The following PIK3C2G variants were observed in gnomAD, a reference collection of about 807,000 sequenced individuals.
The protein encoded by PIK3C2G is phosphatidylinositol-4-phosphate 3-kinase catalytic subunit type 2 gamma.
A neutral mutation model predicts 181.1 loss-of-function variants in PIK3C2G; 168 were observed. The ratio of observed to expected loss-of-function variants is 0.93; its 90% CI spans 0.82 to 1.05. PIK3C2G has a LOEUF of 1.05. Ranked by LOEUF, PIK3C2G falls within the 50% of genes least tolerant of loss-of-function variation. PIK3C2G has a pLI of 0.00. For missense variants in PIK3C2G, 1,869 were observed against 1,732.8 expected (o/e 1.08, Z -1.40); for synonymous variants, 573 against 592.2 (o/e 0.97, Z 0.47).
chr12:18,481,765 G>A (rs558594047), intron 18 of PIK3C2G, among the ~76,000 whole-genome samples: 4 of 152,098 alleles, frequency 2.6e-5, no homozygotes, highest in East Asian at 3.9e-4. Flanking sequence ...CAAAGAGAAT[G>A]ATTTCAGCCT....
chr12:18,536,821 T>G, intron 24 of PIK3C2G, among the ~76,000 whole-genome samples: 1 of 152,088 alleles, frequency 6.6e-6, no homozygotes, highest in East Asian at 1.9e-4. Context: ...AAAAGGATTT[T>G]GAACCAAAAT....
Position 18,496,865 on chromosome 12 carries a change from T to C in PIK3C2G, c.2886+711T>C, listed in dbSNP as rs1325705218. ...TTGCTTTGTCATGTCACCTCAAGAGTTAGTGGTCCCACAATGCTGTACTTT... is the reference window on the plus strand; with the variant it reads ...TTGCTTTGTCATGTCACCTCAAGAGCTAGTGGTCCCACAATGCTGTACTTT... On this transcript the variant is annotated intron_variant, in intron 21 of 32. Transcript: ENST00000538779. Among the ~76,000 whole-genome samples, 3 of 152,054 alleles carry C rather than the reference T, an allele frequency of 2.0e-5. No individual in the cohort carries two copies. In the East Asian group the frequency reaches 5.8e-4, roughly 29 times the overall value.
intron 20 of PIK3C2G, chr12:18,493,105 T>C (rs1386420363): frequency 1.3e-5 from 2 of 152,168 alleles, no homozygotes; most frequent in Non-Finnish European, 2.9e-5. Flanking sequence ...TTGAAATGAG[T>C]ATGGAAAAGC....
intron 22 of PIK3C2G, among the ~76,000 whole-genome samples, chr12:18,498,972 TG>T (rs1565451733): frequency 6.6e-6 from 1 of 152,218 alleles, no homozygotes; most frequent in African/African-American, 2.4e-5. Flanking sequence ...AATAGAATAA[TG>T]CTACATAATC....
intron 8 of PIK3C2G, among the ~76,000 whole-genome samples, chr12:18,333,814 T>G (rs995287454): frequency 1.3e-5 from 2 of 152,246 alleles, no homozygotes; most frequent in South Asian, 2.1e-4. Flanking sequence ...TCATGAAAGT[T>G]TATATAAAAT....
chr12:18,383,077 G>A lies in PIK3C2G; in HGVS notation c.1995+1197G>A, dbSNP rs537138641. 2.0e-5 allele frequency among the ~76,000 whole-genome samples: 3 copies of A among 152,222 alleles called. No homozygotes were observed. The East Asian group carries it at 5.8e-4, about 29-fold the overall frequency. On this transcript the variant is annotated intron_variant, in intron 14 of 32. Transcript: ENST00000538779. Reference sequence around the variant, plus strand: ...CACGATATCTTATCAATTAGCACTTGTTCTGTTTTAAAAGAACAAAAAGAT... The same window carrying A: ...CACGATATCTTATCAATTAGCACTTATTCTGTTTTAAAAGAACAAAAAGAT...
At chr12:18,382,634 T>C (rs1230488489) in intron 14 of PIK3C2G, among the ~76,000 whole-genome samples, 1 of 152,184 alleles carries the variant, frequency 6.6e-6, no homozygotes, top group Admixed American at 6.5e-5. Flanking sequence ...TGCTTTGTGG[T>C]GGGGGCTGCT....
chr12:18,361,777 G>A (rs1012259533), intron 11 of PIK3C2G, among the ~76,000 whole-genome samples: 8 of 152,150 alleles, frequency 5.3e-5, no homozygotes, highest in Non-Finnish European at 1.0e-4. Flanking sequence ...TGGACCTAAA[G>A]TATGCTGCCT....
At chr12:18,696,974 T>G in the PIK3C2G span, among the ~76,000 whole-genome samples, 31 of 152,192 alleles carry the variant, frequency 2.0e-4, no homozygotes, top group African/African-American at 7.2e-4. Context: ...TTTTAGTTTC[T>G]GTACATATTC....
intron 5 of PIK3C2G, among the ~76,000 whole-genome samples, chr12:18,299,258 C>T (rs1340176098): frequency 6.6e-6 from 1 of 151,866 alleles, no homozygotes; most frequent in Non-Finnish European, 1.5e-5. Context: ...TCTTTTACCC[C>T]TTTGGTTAAG....
chr12:18,574,098 G>A (rs1474350897), intron 29 of PIK3C2G, among the ~76,000 whole-genome samples: 6 of 152,114 alleles, frequency 3.9e-5, no homozygotes, highest in African/African-American at 1.4e-4. Flanking sequence ...TCATCATCCT[G>A]TATGAAGGAC....
At chr12:18,450,204 G>A (rs765610148) in intron 18 of PIK3C2G, among the ~76,000 whole-genome samples, 6 of 152,140 alleles carry the variant, frequency 3.9e-5, no homozygotes, top group Non-Finnish European at 7.3e-5. Flanking sequence ...TCAGCTCACC[G>A]CAACCTCCAC....
chr12:18,678,101 C>A, the PIK3C2G span, among the ~76,000 whole-genome samples: 8 of 152,054 alleles, frequency 5.3e-5, no homozygotes, highest in Non-Finnish European at 1.0e-4. Context: ...TTCTAGCAAG[C>A]CCAGCTGTCC....
At position 18,488,256 on chromosome 12, in the gene PIK3C2G, T is replaced by C. The variant is rs754067780; in HGVS notation, c.2505-193T>C. ...AGATCTCTTATTGATTCTTCACTCT[T>C]GGAATCTCATTAACTATCAGATGGA... On this transcript the variant is annotated intron_variant, in intron 18 of 32. Coordinates refer to ENST00000538779, the MANE Select transcript of PIK3C2G (RefSeq NM_001288772.2). Among the ~76,000 whole-genome samples the C allele has an allele frequency of 3.9e-5, 6 of 152,110 alleles. No homozygotes were observed. The South Asian group carries it at 6.2e-4, about 16-fold the overall frequency.
chr12:18,632,474 CAGAT>C (rs1422836463), intron 31 of PIK3C2G, among the ~76,000 whole-genome samples: 3 of 152,052 alleles, frequency 2.0e-5, no homozygotes, highest in Non-Finnish European at 4.4e-5. Context: ...GATATGGACA[CAGAT>C]AGAGATATAG....
intron 24 of PIK3C2G, among the ~76,000 whole-genome samples, chr12:18,532,150 A>ATGTGTT (rs149325621): frequency 2.6e-5 from 4 of 151,698 alleles, no homozygotes; most frequent in African/African-American, 9.7e-5. Flanking sequence ...ACATCTTTTT[A>ATGTGTT]TATGTTTATT....
intron 24 of PIK3C2G, among the ~76,000 whole-genome samples, chr12:18,507,773 A>T (rs970290618): frequency 1.3e-5 from 2 of 152,198 alleles, no homozygotes; most frequent in Admixed American, 6.5e-5. Context: ...TTAAAATGAA[A>T]AAAGATATTT....
Position 18,437,495 on chromosome 12 carries a change from T to A in PIK3C2G, c.2504+13456T>A, listed in dbSNP as rs144745003. Among the ~76,000 whole-genome samples the A allele has an allele frequency of 2.7e-3, 411 of 152,114 alleles. 2 individuals are homozygous for A. The highest frequency in any genetic ancestry group is 4.7e-3 in the Non-Finnish European group (319 of 67,862). ...AATAGTGACTCTTTAGACTTGACAG[T>A]CTACCTGATACACTAACCACTCTTG... On this transcript the variant is annotated intron_variant, in intron 18 of 32. Transcript: ENST00000538779.
chr12:18,622,740 C>G (rs569877614), intron 31 of PIK3C2G, among the ~76,000 whole-genome samples: 3 of 151,882 alleles, frequency 2.0e-5, no homozygotes, highest in Admixed American at 1.3e-4. Context: ...TTGATAATAG[C>G]TATTCTAACA....
Sources: gnomAD v4.1 joint callset for allele counts (sites outside exome capture counted in the v4.1 genomes callset) on GRCh38, gnomAD v4.1.1 for gene constraint, MANE v1.5 for transcripts, NCBI Gene and HGNC (gene_info 2026-07-23, HGNC 2026-07-21) for gene names.